Variants in ATXN7L1 observed in about 807,000 individuals in gnomAD.
ATXN7L1 encodes ataxin 7 like 1, also known as ataxin-7-like protein 1.
Under a neutral mutation model 70.8 loss-of-function variants are expected in ATXN7L1, and 15 were observed. The observed-to-expected ratio is 0.21, with a 90% CI of 0.14 to 0.33. The LOEUF (loss-of-function observed/expected upper bound fraction) is 0.33. Among genes scored for constraint, ATXN7L1 ranks in the 10% least tolerant of loss-of-function variants. The pLI is 1.00. For missense variants in ATXN7L1, 975 were observed against 1,097.1 expected, an observed-to-expected ratio of 0.89 and a Z score of 1.57; for synonymous variants, 440 against 445.1, an observed-to-expected ratio of 0.99 and a Z score of 0.14.
Position 105,750,608 on chromosome 7 carries a change from C to G in ATXN7L1, c.355+37996G>C, listed in dbSNP as rs1414074239. Among the ~76,000 whole-genome samples the G allele has an allele frequency of 2.7e-5, 4 of 148,084 alleles. No homozygotes were observed. In the Admixed American group the frequency reaches 2.8e-4, roughly 10 times the overall value. On this transcript the variant is annotated intron_variant, in intron 3 of 11. Coordinates refer to ENST00000419735, the MANE Select transcript of ATXN7L1 (RefSeq NM_020725.2). ...CCTGAGGTCAGGCGTTCGAGACCAG[C>G]CTGACCAACATGGTGAAACCCCGTC...
chr7:105,814,873 T>C (rs1035372568), intron 2 of ATXN7L1, among the ~76,000 whole-genome samples: 1 of 152,254 alleles, frequency 6.6e-6, no homozygotes, highest in Non-Finnish European at 1.5e-5. Context: ...GGCTTCCTCC[T>C]GGGGCTTTGT....
chr7:105,788,454 T>C (rs945653277), intron 3 of ATXN7L1, 150 bp downstream of exon 3: 7 of 640,276 alleles, frequency 1.1e-5, no homozygotes, highest in Non-Finnish European at 1.9e-5. Context: ...TAAAACAGCC[T>C]GCGAGCAGAG....
chr7:105,796,009 T>C (rs1388130006), intron 2 of ATXN7L1, among the ~76,000 whole-genome samples: 5 of 152,234 alleles, frequency 3.3e-5, no homozygotes, highest in Admixed American at 2.6e-4. Flanking sequence ...ATTGGGGCTG[T>C]ATTTATGTTA....
At chr7:105,664,717 C>T (rs1180795418) in intron 4 of ATXN7L1, among the ~76,000 whole-genome samples, 2 of 151,334 alleles carry the variant, frequency 1.3e-5, no homozygotes, top group African/African-American at 4.9e-5. Context: ...CAGGTGTGTG[C>T]CACCACACCT....
chr7:105,750,195 C>T (rs1799038779), intron 3 of ATXN7L1, among the ~76,000 whole-genome samples: 2 of 151,772 alleles, frequency 1.3e-5, no homozygotes, highest in Non-Finnish European at 2.9e-5. Context: ...GCCCCGGGGC[C>T]TGCTCATTGT....
chr7:105,870,934 G>T (rs1326753442), intron 2 of ATXN7L1, among the ~76,000 whole-genome samples: 1 of 152,122 alleles, frequency 6.6e-6, no homozygotes, highest in East Asian at 1.9e-4. Context: ...TCGGAATGCT[G>T]AAGGCCAAAT....
chr7:105,855,835 T>C (rs746038516), intron 2 of ATXN7L1, among the ~76,000 whole-genome samples: 1 of 152,186 alleles, frequency 6.6e-6, no homozygotes, highest in Non-Finnish European at 1.5e-5. Context: ...ATTTACATTG[T>C]ATTAGGTATT....
chr7:105,706,129 C>G (rs993846617), intron 3 of ATXN7L1, among the ~76,000 whole-genome samples: 5 of 152,130 alleles, frequency 3.3e-5, no homozygotes, highest in African/African-American at 1.2e-4. Flanking sequence ...AATTATTTCT[C>G]TTAGCCACTG....
At chr7:105,699,622 G>A (rs1792186561) in intron 3 of ATXN7L1, among the ~76,000 whole-genome samples, 1 of 152,102 alleles carries the variant, frequency 6.6e-6, no homozygotes, top group South Asian at 2.1e-4. Flanking sequence ...ACCTAGTATT[G>A]CAGATATGTA....
intron 4 of ATXN7L1, among the ~76,000 whole-genome samples, chr7:105,664,157 A>G (rs186940691): frequency 9.9e-5 from 15 of 152,092 alleles, no homozygotes; most frequent in South Asian, 4.2e-4. Context: ...TCAGCTCCCA[A>G]TTAGTTGCCT....
chr7:105,834,633 A>G (rs184767602), intron 2 of ATXN7L1, among the ~76,000 whole-genome samples: 1 of 152,256 alleles, frequency 6.6e-6, no homozygotes, highest in East Asian at 1.9e-4. Context: ...TGATGGGTAT[A>G]TTCTTATTTT....
At chr7:105,725,141 G>C (rs144546841) in intron 3 of ATXN7L1, among the ~76,000 whole-genome samples, 1 of 152,074 alleles carries the variant, frequency 6.6e-6, no homozygotes, top group East Asian at 1.9e-4. Context: ...ATCTTTTTGG[G>C]AAGACACAAT....
intron 3 of ATXN7L1, among the ~76,000 whole-genome samples, chr7:105,765,176 A>G (rs750830470): frequency 2.6e-5 from 4 of 152,122 alleles, no homozygotes; most frequent in Non-Finnish European, 4.4e-5. Flanking sequence ...TCTACTAAAA[A>G]TACAAACATT....
chr7:105,715,908 C>T (rs1471707554), intron 3 of ATXN7L1, among the ~76,000 whole-genome samples: 1 of 152,180 alleles, frequency 6.6e-6, no homozygotes, highest in South Asian at 2.1e-4. Context: ...AGCAGTTCTT[C>T]ACATTTGCTG....
intron 3 of ATXN7L1, among the ~76,000 whole-genome samples, chr7:105,706,783 G>A (rs1287412734): frequency 1.3e-5 from 2 of 152,238 alleles, no homozygotes; most frequent in Non-Finnish European, 2.9e-5. Flanking sequence ...TCCAACTGTG[G>A]GACTCTGGCC....
chr7:105,619,688 A>C (rs947419590), intron 9 of ATXN7L1, among the ~76,000 whole-genome samples: 1 of 150,374 alleles, frequency 6.7e-6, no homozygotes, highest in Non-Finnish European at 1.5e-5. Context: ...AGTAGCTAGG[A>C]TCATAAGTGT....
intron 8 of ATXN7L1, among the ~76,000 whole-genome samples, chr7:105,621,904 C>T (rs555527344): frequency 2.6e-5 from 4 of 152,202 alleles, no homozygotes; most frequent in South Asian, 2.1e-4. Context: ...TGGGGGGTTT[C>T]GCATTAAAAT....
chr7:105,713,081 A>G (rs918322045), intron 3 of ATXN7L1, among the ~76,000 whole-genome samples: 4 of 152,216 alleles, frequency 2.6e-5, no homozygotes, highest in African/African-American at 9.6e-5. Context: ...AGCACATCTT[A>G]CCGTGGCAGA....
At chr7:105,737,038 A>G (rs979015990) in intron 3 of ATXN7L1, among the ~76,000 whole-genome samples, 2 of 152,242 alleles carry the variant, frequency 1.3e-5, no homozygotes, top group Admixed American at 1.3e-4. Context: ...AAGACTAGCT[A>G]GTACCCGGTT....
Sources: allele counts gnomAD v4.1 joint callset (sites outside exome capture counted in the v4.1 genomes callset), GRCh38; gene constraint gnomAD v4.1.1; transcripts MANE v1.5; gene names NCBI Gene and HGNC (gene_info 2026-07-23, HGNC 2026-07-21).